The following BRINP1 variants were observed in gnomAD, a reference collection of about 807,000 sequenced individuals.
The protein encoded by BRINP1 is BMP/retinoic acid inducible neural specific 1, also known as BMP/retinoic acid-inducible neural-specific protein 1.
In BRINP1, 17 loss-of-function variants were observed where a neutral mutation model predicts 72.9. The observed-to-expected ratio is 0.23, with a 90% CI of 0.16 to 0.35. BRINP1 has a LOEUF of 0.35. BRINP1 is among the 10% of genes least tolerant of loss of function. The pLI is 1.00. For missense variants in BRINP1, 850 were observed against 1,001.6 expected (o/e 0.85, Z 2.04); for synonymous variants, 418 against 378.5 (o/e 1.10, Z -1.21).
At chr9:119,240,149 G>A (rs2118910253) in intron 4 of BRINP1, among the ~76,000 whole-genome samples, 1 of 152,156 alleles carries the variant, frequency 6.6e-6, no homozygotes, top group Admixed American at 6.5e-5. Flanking sequence ...CGCACCTGTA[G>A]TCCCAGCTAC....
At chr9:119,346,880 T>C (rs1831457968) in intron 1 of BRINP1, among the ~76,000 whole-genome samples, 1 of 152,134 alleles carries the variant, frequency 6.6e-6, no homozygotes, top group Admixed American at 6.5e-5. Flanking sequence ...CTGTGGTGGA[T>C]TGTCAAGAAA....
chr9:119,323,164 G>A (rs1831206547), intron 1 of BRINP1, among the ~76,000 whole-genome samples: 1 of 152,154 alleles, frequency 6.6e-6, no homozygotes, highest in Non-Finnish European at 1.5e-5. Context: ...GGGGTATAGA[G>A]GCCCCTCACC....
chr9:119,243,900 C>T (rs564433648), intron 3 of BRINP1, among the ~76,000 whole-genome samples: 3 of 152,240 alleles, frequency 2.0e-5, no homozygotes, highest in Admixed American at 6.5e-5. Context: ...CAGAATGCAA[C>T]GCAGACCAGA....
At chr9:119,197,269 GGAAAGTA>G (rs1377005600) in intron 7 of BRINP1, among the ~76,000 whole-genome samples, 1 of 152,162 alleles carries the variant, frequency 6.6e-6, no homozygotes, top group Non-Finnish European at 1.5e-5. Context: ...TCCGGACAGA[GGAAAGTA>G]TTTTTTCCAG....
At chr9:119,332,963 T>A (rs1182936931) in intron 1 of BRINP1, among the ~76,000 whole-genome samples, 1 of 152,278 alleles carries the variant, frequency 6.6e-6, no homozygotes, top group East Asian at 1.9e-4. Context: ...ATAAGAAAAC[T>A]GAGGGTCAGT....
intron 5 of BRINP1, among the ~76,000 whole-genome samples, chr9:119,219,017 G>C (rs926341697): frequency 2.0e-5 from 3 of 152,076 alleles, no homozygotes; most frequent in Non-Finnish European, 4.4e-5. Flanking sequence ...ATAAGAAAAG[G>C]AAGAGATGGG....
intron 2 of BRINP1, among the ~76,000 whole-genome samples, chr9:119,269,691 G>A (rs548388381): frequency 2.6e-5 from 4 of 152,224 alleles, no homozygotes; most frequent in African/African-American, 9.6e-5. Flanking sequence ...ACTTGAACAA[G>A]GTAACAGAGC....
At chr9:119,186,803 C>T (rs531693846) in intron 7 of BRINP1, among the ~76,000 whole-genome samples, 1 of 152,310 alleles carries the variant, frequency 6.6e-6, no homozygotes, top group East Asian at 1.9e-4. Flanking sequence ...GAGCCCAAGC[C>T]ACAGCCACGC....
intron 1 of BRINP1, among the ~76,000 whole-genome samples, chr9:119,336,231 C>T (rs1235849038): frequency 6.6e-6 from 1 of 152,124 alleles, no homozygotes; most frequent in Non-Finnish European, 1.5e-5. Flanking sequence ...GAAATCAAGG[C>T]TTGCCCAAGG....
chr9:119,249,415 T>C (rs755863140), intron 2 of BRINP1, among the ~76,000 whole-genome samples: 7 of 152,100 alleles, frequency 4.6e-5, no homozygotes, highest in Non-Finnish European at 7.4e-5. Flanking sequence ...GGGAGACAAA[T>C]ATCAGGAGTT....
rs371728659 is a variant in BRINP1 at position 119,167,006 on chromosome 9, T to TTTTTG, written c.*73_*77dup. On this transcript the variant is annotated 3_prime_UTR_variant, in exon 8 of 8. Transcript: ENST00000265922. The surrounding 1 kb of genome is among the most constrained non-coding windows in gnomAD (Gnocchi z 4.3). Reference sequence around the variant, plus strand: ...TACATTTTACAAATTTTTGTGGGTTTTTTTGTTTTGTTTTGCTTCATTTTG... The same window carrying TTTTTG: ...TACATTTTACAAATTTTTGTGGGTTTTTTTGTTTTGTTTTGTTTTGCTTCATTTTG... The TTTTTG allele has an allele frequency of 7.0e-7, 1 of 1,438,344 alleles. No individual in the cohort carries two copies. The highest frequency in any genetic ancestry group is 1.4e-5 in the African/African-American group (1 of 70,024). The allele number at this position is 1,438,344 out of a possible 1,614,324, so 89.1% of individuals were successfully genotyped here.
intron 1 of BRINP1, among the ~76,000 whole-genome samples, chr9:119,329,566 T>G (rs776176788): frequency 1.3e-5 from 2 of 152,162 alleles, no homozygotes; most frequent in Non-Finnish European, 2.9e-5. Flanking sequence ...TCTCTCAAGG[T>G]TCTCCTCACA....
chr9:119,167,234 C>A lies in BRINP1; in HGVS notation c.2136G>T (p.Pro712=), dbSNP rs769295659. ...RINRLAPPVA[P]GKPQLDLFSC... is the part of the protein sequence containing the mutation. Reference sequence around the variant, plus strand: ...AGAACAAGTCCAGCTGGGGTTTCCCCGGGGCCACAGGAGGGGCCAGGCGAT... The same window carrying A: ...AGAACAAGTCCAGCTGGGGTTTCCCAGGGGCCACAGGAGGGGCCAGGCGAT... The change falls in exon 8 of 8, where the codon CCG becomes CCT. Residue 712 remains proline, a synonymous_variant. Coordinates refer to ENST00000265922, the MANE Select transcript of BRINP1 (RefSeq NM_014618.3). The surrounding 1 kb of genome is among the most constrained non-coding windows in gnomAD (Gnocchi z 4.3). 1.3e-5 allele frequency: 21 copies of A among 1,614,002 alleles called. No individual in the cohort carries two copies. Among genetic ancestry groups the A allele is most frequent in the Non-Finnish European group, 1.6e-5 (19 of 1,180,042 alleles).
At chr9:119,225,074 C>A (rs1289772412) in intron 5 of BRINP1, among the ~76,000 whole-genome samples, 1 of 151,916 alleles carries the variant, frequency 6.6e-6, no homozygotes, top group African/African-American at 2.4e-5. Context: ...CAAATGAAAA[C>A]TTGTAAATGA....
chr9:119,242,881 T>C (rs372700596), intron 3 of BRINP1, among the ~76,000 whole-genome samples: 1 of 152,176 alleles, frequency 6.6e-6, no homozygotes, highest in East Asian at 1.9e-4. Context: ...ACTTTTAATT[T>C]GGGTAAAGAA....
At chr9:119,282,522 G>A (rs1830723230) in intron 2 of BRINP1, among the ~76,000 whole-genome samples, 1 of 152,136 alleles carries the variant, frequency 6.6e-6, no homozygotes, top group Non-Finnish European at 1.5e-5. Context: ...AGGAGGGGAA[G>A]AATGTAAAAG....
At chr9:119,230,343 G>C (rs1171137824) in intron 5 of BRINP1, among the ~76,000 whole-genome samples, 1 of 152,022 alleles carries the variant, frequency 6.6e-6, no homozygotes, top group Admixed American at 6.6e-5. Context: ...TGTGAGGAGG[G>C]AAGCGAGAAT....
chr9:119,339,097 T>C (rs1831383029), intron 1 of BRINP1, among the ~76,000 whole-genome samples: 1 of 152,198 alleles, frequency 6.6e-6, no homozygotes. Flanking sequence ...TCCTGTTTTC[T>C]TCTAGACCAA....
At chr9:119,355,193 A>G (rs955089058) in intron 1 of BRINP1, among the ~76,000 whole-genome samples, 2 of 152,218 alleles carry the variant, frequency 1.3e-5, no homozygotes, top group African/African-American at 4.8e-5. Flanking sequence ...CCGTCACCCA[A>G]AGATGACTAT....
Sources: gnomAD v4.1 joint callset for allele counts (sites outside exome capture counted in the v4.1 genomes callset) on GRCh38, gnomAD v4.1.1 for gene constraint, Gnocchi (gnomAD v3.1) non-coding constraint, MANE v1.5 for transcripts, NCBI Gene and HGNC (gene_info 2026-07-23, HGNC 2026-07-21) for gene names.